BTD: variants seen among roughly 807,000 people sequenced by gnomAD.
BTD encodes biotinidase.
BTD carries 13 observed loss-of-function variants against 17.7 expected under a neutral mutation model. The observed-to-expected ratio is 0.74, with a 90% CI of 0.48 to 1.17. The LOEUF (loss-of-function observed/expected upper bound fraction) is 1.17, where lower values mean the gene tolerates loss of function less well. Among genes scored for constraint, BTD ranks in the 50% most tolerant of loss-of-function variants. BTD has a pLI of 0.00. For missense variants in BTD, 674 were observed against 650.4 expected (o/e 1.04, Z -0.39); for synonymous variants, 240 against 245.2 (o/e 0.98, Z 0.20).
chr3:15,659,751 C>G (rs1238047606), intron 3 of BTD, among the ~76,000 whole-genome samples: 4 of 152,158 alleles, frequency 2.6e-5, no homozygotes, highest in Non-Finnish European at 5.9e-5. Context: ...GGAGTGTGTC[C>G]CACATACTAG....
Position 15,645,629 on chromosome 3 carries a change from T to C in BTD, c.*141T>C, listed in dbSNP as rs1009776386. 1 of 959,018 alleles carries C rather than the reference T, an allele frequency of 1.0e-6. No individual in the cohort carries two copies. The highest frequency in any genetic ancestry group is 1.5e-6 in the Non-Finnish European group (1 of 654,574). 59.4% of individuals were successfully genotyped at this position (959,018 alleles called of 1,614,324 possible). A position where few individuals can be genotyped will look rare whatever the true frequency, so the allele number is the denominator to read the frequency against. ...TGGCACCAGATTCCACCCTGGGAACTGTGGAAAAAGTAGGAGAGGCAGATT... is the reference window on the plus strand; with the variant it reads ...TGGCACCAGATTCCACCCTGGGAACCGTGGAAAAAGTAGGAGAGGCAGATT... On this transcript the variant is annotated 3_prime_UTR_variant, in exon 4 of 4. Transcript: ENST00000643237.
intron 3 of BTD, among the ~76,000 whole-genome samples, chr3:15,642,653 G>T (rs1279307489): frequency 1.3e-5 from 2 of 151,740 alleles, no homozygotes; most frequent in Non-Finnish European, 2.9e-5. Flanking sequence ...TAGTAGAGAT[G>T]GGGTTTCACC....
At chr3:15,678,866 T>C (rs1354864840) in intron 3 of BTD, among the ~76,000 whole-genome samples, 1 of 152,246 alleles carries the variant, frequency 6.6e-6, no homozygotes, top group African/African-American at 2.4e-5. Context: ...TGAGATCTTA[T>C]AACAATTTAT....
At chr3:15,716,602 C>T (rs2073086863), downstream of BTD, among the ~76,000 whole-genome samples, 1 of 151,894 alleles carries the variant, frequency 6.6e-6, no homozygotes, top group African/African-American at 2.4e-5. Context: ...CCAATTTTTA[C>T]AGACATAAGG....
At chr3:15,619,950 A>T (rs2064901758) in intron 1 of BTD, among the ~76,000 whole-genome samples, 1 of 152,202 alleles carries the variant, frequency 6.6e-6, no homozygotes, top group African/African-American at 2.4e-5. Flanking sequence ...AGATACAAAG[A>T]TCACATGCTT....
chr3:15,641,470 A>G (rs1280792626), intron 2 of BTD, among the ~76,000 whole-genome samples: 1 of 152,236 alleles, frequency 6.6e-6, no homozygotes, highest in African/African-American at 2.4e-5. Context: ...ATTTAAATGC[A>G]CAATGGAAGT....
At chr3:15,636,577 G>A (rs1180658296) in intron 2 of BTD, among the ~76,000 whole-genome samples, 1 of 152,210 alleles carries the variant, frequency 6.6e-6, no homozygotes, top group Non-Finnish European at 1.5e-5. Context: ...GCCCTGCTGT[G>A]CCTCAACAGG....
intron 3 of BTD, among the ~76,000 whole-genome samples, chr3:15,673,909 T>C (rs1415306521): frequency 6.6e-6 from 1 of 151,808 alleles, no homozygotes; most frequent in African/African-American, 2.4e-5. Context: ...TTAAGAACTA[T>C]GAGTGGGGCC....
At chr3:15,644,223 A>C (rs556672716) in intron 3 of BTD, 93 bp from the exon 4 acceptor site, 1 of 1,331,300 alleles carries the variant, frequency 7.5e-7, no homozygotes, top group South Asian at 1.3e-5. Flanking sequence ...GGTGGTCTCA[A>C]TCTCCTGACC....
intron 4 of BTD, among the ~76,000 whole-genome samples, chr3:15,718,442 T>A (rs111565235): frequency 0.023 from 3,481 of 152,322 alleles, 140 homozygotes; most frequent in African/African-American, 0.079. Context: ...TAACTTCAAA[T>A]AGGACCACTG....
chr3:15,625,029 C>G (rs538068427), intron 1 of BTD, among the ~76,000 whole-genome samples: 40 of 152,290 alleles, frequency 2.6e-4, no homozygotes, highest in African/African-American at 9.4e-4. Context: ...TGGCCTAACT[C>G]TGGTTCTGAT....
exon 4 of BTD, chr3:15,712,254 T>C: frequency 6.7e-7 from 1 of 1,495,838 alleles, no homozygotes; most frequent in Non-Finnish European, 9.1e-7. Context: ...AGTATCTTCA[T>C]TTTAACACAA....
rs927006618 is a variant in BTD, at chr3:15,635,335, G to C, written c.-16-89G>C. On this transcript the variant is annotated intron_variant, in intron 1 of 3. Transcript: ENST00000643237. This position sits in a 1 kb window ranked among gnomAD's most constrained non-coding sequence, Gnocchi z 4.1. ...AGTATCACTGCGAGTGAGTTTAATTGCTGGGATTAATAAATCACAGCTGCA... is the reference window on the plus strand; with the variant it reads ...AGTATCACTGCGAGTGAGTTTAATTCCTGGGATTAATAAATCACAGCTGCA... 37 of 1,587,328 alleles carry C rather than the reference G, an allele frequency of 2.3e-5. No individual in the cohort carries two copies. The highest frequency in any genetic ancestry group is 3.0e-5 in the Non-Finnish European group (35 of 1,160,078).
intron 1 of BTD, among the ~76,000 whole-genome samples, chr3:15,624,070 T>A (rs767918061): frequency 2.0e-5 from 3 of 152,272 alleles, no homozygotes; most frequent in Non-Finnish European, 2.9e-5. Context: ...TTCTGAGAAG[T>A]CAGATATCTT....
chr3:15,692,750 T>C (rs1006043195), intron 3 of BTD, among the ~76,000 whole-genome samples: 1 of 152,246 alleles, frequency 6.6e-6, no homozygotes, highest in Non-Finnish European at 1.5e-5. Context: ...TATAATCATA[T>C]TTCATTAAGC....
Position 15,645,558 on chromosome 3 carries a change from AG to A in BTD, c.*71del. ...CAGCCTTGCACTTCCACAGGCTACA[AG>A]CCCTGGGACCATCTTTCTGCCTTAA... On this transcript the variant is annotated 3_prime_UTR_variant, in exon 4 of 4. Coordinates refer to ENST00000643237, the MANE Select transcript of BTD (RefSeq NM_001370658.1). 1 of 1,563,124 alleles carries A rather than the reference AG, an allele frequency of 6.4e-7. No homozygotes were observed. The highest frequency in any genetic ancestry group is 8.7e-7 in the Non-Finnish European group (1 of 1,151,854).
intron 2 of BTD, among the ~76,000 whole-genome samples, chr3:15,638,309 C>A (rs1055841227): frequency 1.3e-5 from 2 of 152,138 alleles, no homozygotes; most frequent in Admixed American, 1.3e-4. Flanking sequence ...CCCTTACAGA[C>A]CGGCAGAACA....
intron 3 of BTD, among the ~76,000 whole-genome samples, chr3:15,692,538 C>G (rs1322188841): frequency 1.3e-5 from 2 of 152,188 alleles, no homozygotes; most frequent in Admixed American, 1.3e-4. Flanking sequence ...CTTTTCCCCC[C>G]ATGATATCCT....
intron 1 of BTD, among the ~76,000 whole-genome samples, chr3:15,619,660 A>T (rs990041836): frequency 2.0e-5 from 3 of 152,224 alleles, no homozygotes; most frequent in Non-Finnish European, 4.4e-5. Flanking sequence ...GGATTATTGC[A>T]TCTATATTTA....
Sources: gnomAD v4.1 joint callset for allele counts (sites outside exome capture counted in the v4.1 genomes callset) on GRCh38, gnomAD v4.1.1 for gene constraint, Gnocchi (gnomAD v3.1) non-coding constraint, MANE v1.5 for transcripts, NCBI Gene and HGNC (gene_info 2026-07-23, HGNC 2026-07-21) for gene names.